Variants in SLC25A18 observed in about 807,000 individuals in gnomAD.
SLC25A18 encodes solute carrier family 25 member 18, also known as mitochondrial glutamate carrier 2.
A neutral mutation model predicts 31.1 loss-of-function variants in SLC25A18; 24 were observed. The observed-to-expected ratio is 0.77, with a 90% confidence interval of 0.56 to 1.08. The LOEUF is 1.08. Ranked by LOEUF, SLC25A18 falls within the 50% of genes least tolerant of loss-of-function variation. The pLI is 0.00. For missense variants in SLC25A18, 371 were observed against 418.5 expected, an observed-to-expected ratio of 0.89 and a Z score of 0.99; for synonymous variants, 173 against 161.9, an observed-to-expected ratio of 1.07 and a Z score of -0.52.
intron 9 of SLC25A18, chr22:17,588,678 G>A (rs1296816): frequency 0.096 from 14,568 of 151,998 alleles, 1,026 homozygotes; most frequent in African/African-American, 0.19. Flanking sequence ...TAAAATTTGC[G>A]GCTAATGGTG....
chr22:17,573,622 A>G (rs1388901395), intron 2 of SLC25A18, among the ~76,000 whole-genome samples: 1 of 151,992 alleles, frequency 6.6e-6, no homozygotes, highest in Non-Finnish European at 1.5e-5. Flanking sequence ...AGTGCTGAGG[A>G]GAGAGTTCCC....
At chr22:17,569,695 C>T in intron 1 of SLC25A18, 5 of 985,442 alleles carry the variant, frequency 5.1e-6, no homozygotes, top group Non-Finnish European at 6.0e-6. Flanking sequence ...TCATACTAGC[C>T]ACCAAGTAAA....
chr22:17,581,499 G>T, intron 5 of SLC25A18, 86 bp downstream of exon 5: 1 of 1,491,560 alleles, frequency 6.7e-7, no homozygotes, highest in South Asian at 1.2e-5. Flanking sequence ...CGTTGCTGCG[G>T]GGATGGGGCC....
chr22:17,565,084 G>A (rs1467999209), intron 1 of SLC25A18, among the ~76,000 whole-genome samples: 1 of 151,536 alleles, frequency 6.6e-6, no homozygotes, highest in African/African-American at 2.4e-5. Flanking sequence ...GTTTTGTTTT[G>A]TTTTGTTTTG....
chr22:17,568,686 C>G (rs440661), intron 1 of SLC25A18, among the ~76,000 whole-genome samples: 69,817 of 148,372 alleles, frequency 0.47, 16,638 homozygotes, highest in African/African-American at 0.55. Flanking sequence ...CTCAGCCTCC[C>G]GAGTAGCTGG....
chr22:17,579,828 C>T lies in SLC25A18; in HGVS notation c.-117C>T, dbSNP rs1224351760. ...CTGCACTCAAAACCCGTGCTCTGTC[C>T]ACACTGCTACGGGGCCAGAGCCAAG... On this transcript the variant is annotated 5_prime_UTR_variant, in exon 3 of 11. Coordinates refer to ENST00000327451, the MANE Select transcript of SLC25A18 (RefSeq NM_031481.3). The T allele has an allele frequency of 3.3e-6, 5 of 1,497,302 alleles. No homozygotes were observed. The African/African-American group carries it at 5.6e-5, about 17-fold the overall frequency. The allele number at this position is 1,497,302 out of a possible 1,614,324, so 92.8% of individuals were successfully genotyped here.
intron 2 of SLC25A18, 91 bp from the exon 3 acceptor site, chr22:17,579,654 A>G: frequency 9.1e-7 from 1 of 1,104,384 alleles, no homozygotes; most frequent in Non-Finnish European, 1.1e-6. Context: ...TTAGGAAGGG[A>G]AAAAAGTGGA....
chr22:17,585,943 G>A (rs756936308), intron 7 of SLC25A18, among the ~76,000 whole-genome samples: 27 of 151,926 alleles, frequency 1.8e-4, no homozygotes, highest in Admixed American at 4.6e-4. Context: ...GTGAGCCACC[G>A]TGCCCGGCCA....
chr22:17,588,315 G>A (rs2057613188), intron 9 of SLC25A18: 1 of 473,538 alleles, frequency 2.1e-6, no homozygotes, highest in East Asian at 4.1e-5. Context: ...CCTCAGAAGA[G>A]TTGTGAGCCC....
chr22:17,572,165 C>T (rs1292891521), intron 2 of SLC25A18, among the ~76,000 whole-genome samples: 1 of 151,960 alleles, frequency 6.6e-6, no homozygotes, highest in Non-Finnish European at 1.5e-5. Context: ...CCAGCCTGGG[C>T]AACAGAGTGA....
intron 2 of SLC25A18, among the ~76,000 whole-genome samples, chr22:17,577,922 C>T (rs1456115768): frequency 1.3e-5 from 2 of 151,532 alleles, no homozygotes; most frequent in East Asian, 2.0e-4. Context: ...GGTGATCTGC[C>T]GTCCTCAGCC....
intron 7 of SLC25A18, among the ~76,000 whole-genome samples, chr22:17,585,005 A>G (rs1019513197): frequency 6.7e-6 from 1 of 149,592 alleles, no homozygotes; most frequent in African/African-American, 2.5e-5. Context: ...AGCGTGGTAC[A>G]CTCCTGTAAT....
At chr22:17,588,324 C>T in intron 9 of SLC25A18, 1 of 448,700 alleles carries the variant, frequency 2.2e-6, no homozygotes. Flanking sequence ...AGTTGTGAGC[C>T]CCAGCTATAA....
At chr22:17,580,601 C>T (rs1601313127) in intron 3 of SLC25A18, 2 of 993,940 alleles carry the variant, frequency 2.0e-6, no homozygotes, top group South Asian at 4.6e-5. Context: ...GGAGTGAGTT[C>T]GACGGGAATG....
At chr22:17,580,390 T>C (rs1252433405) in intron 3 of SLC25A18, 3 of 352,016 alleles carry the variant, frequency 8.5e-6, no homozygotes, top group Admixed American at 1.3e-4. Flanking sequence ...TTGTTTTCTA[T>C]TTCCCGTCTT....
Position 17,589,649 on chromosome 22 carries a change from A to T in SLC25A18, c.790A>T (p.Ile264Phe). ...KGLGEDMYSGITDCARKLWIQ... is the reference protein window; with the variant it reads ...KGLGEDMYSGFTDCARKLWIQ... The stretch of plus-strand genomic sequence containing the variant: ...CCTGGGCGAGGACATGTACAGTGGG[A>T]TCACCGACTGTGCCAGGTGAGAGCC... Residue 264 changes from isoleucine (I) to phenylalanine (F), a missense_variant, in exon 10 of 11, where the codon ATC becomes TTC. Transcript: ENST00000327451. The T allele has an allele frequency of 6.2e-7, 1 of 1,614,082 alleles. No individual in the cohort carries two copies. Among genetic ancestry groups the T allele is most frequent in the Non-Finnish European group, 8.5e-7 (1 of 1,179,974 alleles).
intron 5 of SLC25A18, chr22:17,581,752 C>T (rs1303739899): frequency 1.3e-5 from 4 of 302,790 alleles, no homozygotes; most frequent in Non-Finnish European, 2.5e-5. Flanking sequence ...CTGGGTGGCT[C>T]CTCCCCAGCT....
Position 17,583,438 on chromosome 22 carries a change from G to A in SLC25A18, c.313G>A (p.Glu105Lys), listed in dbSNP as rs1322367767. Reference sequence around the variant, plus strand: ...TAGGATGCAGCGGAACCTGAAGATGGAGATGCTTGCCGGGTGTGGGGCTGG... The same window carrying A: ...TAGGATGCAGCGGAACCTGAAGATGAAGATGCTTGCCGGGTGTGGGGCTGG... ...EDGMQRNLKM[E>K]MLAGCGAGMC... Residue 105 changes from glutamate (E) to lysine (K), a missense_variant, in exon 7 of 11, where the codon GAG (glutamate) becomes AAG (lysine). Transcript: ENST00000327451. 6.2e-7 allele frequency: 1 copy of A among 1,614,126 alleles called. No homozygotes were observed. Among genetic ancestry groups the A allele is most frequent in the South Asian group, 1.1e-5 (1 of 91,086 alleles).
chr22:17,565,433 G>A (rs2056911921), intron 1 of SLC25A18, among the ~76,000 whole-genome samples: 1 of 152,048 alleles, frequency 6.6e-6, no homozygotes, highest in Non-Finnish European at 1.5e-5. Flanking sequence ...AAGTGCAGTG[G>A]TATGATCATA....
Sources: gnomAD v4.1 joint callset for allele counts (sites outside exome capture counted in the v4.1 genomes callset) on GRCh38, gnomAD v4.1.1 for gene constraint, MANE v1.5 for transcripts, NCBI Gene and HGNC (gene_info 2026-07-23, HGNC 2026-07-21) for gene names.